PLAG1: variants seen among roughly 807,000 people sequenced by gnomAD.
PLAG1 encodes the protein PLAG1 zinc finger, also known as zinc finger protein PLAG1.
A neutral mutation model predicts 35.5 loss-of-function variants in PLAG1; 7 were observed. That is an observed-to-expected ratio of 0.20 (90% CI 0.11 to 0.37). PLAG1 has a LOEUF of 0.37. Among genes scored for constraint, PLAG1 ranks in the 10% least tolerant of loss-of-function variants. The pLI is 1.00. For synonymous variants in PLAG1, 229 were observed against 225.4 expected, an observed-to-expected ratio of 1.02 and a Z score of -0.14; for missense variants, 454 against 602.8, an observed-to-expected ratio of 0.75 and a Z score of 2.58.
At chr8:56,180,393 C>T (rs1045821216) in intron 1 of PLAG1, among the ~76,000 whole-genome samples, 8 of 152,164 alleles carry the variant, frequency 5.3e-5, no homozygotes, top group Non-Finnish European at 8.8e-5. Context: ...TGACATGATC[C>T]CTGTTCCGTA....
chr8:56,165,460 A>T lies in PLAG1; in HGVS notation c.*783T>A, dbSNP rs1361879759. 2.8e-5 allele frequency: 6 copies of T among 215,228 alleles called. No homozygotes were observed. The highest frequency in any genetic ancestry group is 4.7e-5 in the Non-Finnish European group (5 of 106,636). The allele number at this position is 215,228 out of a possible 1,614,324, so 13.3% of individuals were successfully genotyped here. On this transcript the variant is annotated 3_prime_UTR_variant, in exon 5 of 5. Coordinates refer to ENST00000316981, the MANE Select transcript of PLAG1 (RefSeq NM_002655.3). Reference sequence around the variant, plus strand: ...TCGACTCTGAAGACCCCAATGCCATACACTATTACTATTATTAAATGAAAA... The same window carrying T: ...TCGACTCTGAAGACCCCAATGCCATTCACTATTACTATTATTAAATGAAAA...
At chr8:56,192,283 A>AT (rs2129231332) in intron 1 of PLAG1, among the ~76,000 whole-genome samples, 1 of 152,352 alleles carries the variant, frequency 6.6e-6, no homozygotes, top group East Asian at 1.9e-4. Flanking sequence ...ACACCTAAGC[A>AT]TTTAACTTAA....
chr8:56,185,315 T>TATTA, intron 1 of PLAG1, among the ~76,000 whole-genome samples: 1 of 152,166 alleles, frequency 6.6e-6, no homozygotes, highest in Non-Finnish European at 1.5e-5. Flanking sequence ...CGTATGCATA[T>TATTA]ATATGTGAAA....
At chr8:56,196,809 G>A (rs958409804) in intron 1 of PLAG1, among the ~76,000 whole-genome samples, 1 of 152,034 alleles carries the variant, frequency 6.6e-6, no homozygotes, top group Admixed American at 6.5e-5. Flanking sequence ...CCTCCTCTAT[G>A]CATGTGTCTC....
Position 56,167,954 on chromosome 8 carries a change from A to G in PLAG1, c.242+74T>C. On this transcript the variant is annotated intron_variant, in intron 4 of 4. Transcript: ENST00000316981. The surrounding 1 kb of genome is among the most constrained non-coding windows in gnomAD (Gnocchi z 5.9). The stretch of plus-strand genomic sequence containing the variant: ...TTAGCTGAAAAATGTGTATACAAAT[A>G]CATACGTTTACAATGGCTTCAAACA... 1.2e-6 allele frequency: 1 copy of G among 804,090 alleles called. No homozygotes were observed. The allele number at this position is 804,090 out of a possible 1,614,324, so 49.8% of individuals were successfully genotyped here.
chr8:56,169,059 GT>G (rs1170775845), intron 3 of PLAG1, among the ~76,000 whole-genome samples: 1 of 152,192 alleles, frequency 6.6e-6, no homozygotes, highest in African/African-American at 2.4e-5. Context: ...ACCTTTTGAT[GT>G]TTTATTAGGT....
chr8:56,173,294 T>A (rs911658756), intron 2 of PLAG1, among the ~76,000 whole-genome samples: 1 of 152,086 alleles, frequency 6.6e-6, no homozygotes, highest in African/African-American at 2.4e-5. Flanking sequence ...ATCTTGAATT[T>A]CTTAATTTCC....
chr8:56,162,644 G>A lies in PLAG1; in HGVS notation c.*3599C>T. The A allele has an allele frequency of 4.8e-6, 1 of 210,216 alleles. No individual in the cohort carries two copies. The highest frequency in any genetic ancestry group is 7.2e-5 in the East Asian group (1 of 13,808). The allele number at this position is 210,216 out of a possible 1,614,324, so 13.0% of individuals were successfully genotyped here. ...TATCTTGTAATATGTGTAGTATAGA[G>A]GTTGACCAAGCTCTATTTTTTAAAA... On this transcript the variant is annotated 3_prime_UTR_variant, in exon 5 of 5. Transcript: ENST00000316981.
chr8:56,178,320 T>C (rs186016450), intron 2 of PLAG1, among the ~76,000 whole-genome samples: 172 of 152,156 alleles, frequency 1.1e-3, no homozygotes, highest in Non-Finnish European at 1.8e-3. Context: ...TTCCTTTTTC[T>C]AGCTACTAAA....
In PLAG1 at chr8:56,162,809, T is replaced by A. The variant is rs1437258222; in HGVS notation, c.*3434A>T. 4.7e-6 allele frequency: 1 copy of A among 214,272 alleles called. No homozygotes were observed. The highest frequency in any genetic ancestry group is 9.4e-6 in the Non-Finnish European group (1 of 105,850). 13.3% of individuals were successfully genotyped at this position (214,272 alleles called of 1,614,324 possible). On this transcript the variant is annotated 3_prime_UTR_variant, in exon 5 of 5. Transcript: ENST00000316981. ...TCAGTATATGGTTTTTAAAAACCGC[T>A]ACTGTCCAAATTAACACAATATATC...
At chr8:56,178,537 C>T (rs1811774552) in intron 2 of PLAG1, among the ~76,000 whole-genome samples, 1 of 152,110 alleles carries the variant, frequency 6.6e-6, no homozygotes, top group African/African-American at 2.4e-5. Context: ...GAATGTTGTT[C>T]TTATAGAAAA....
Position 56,163,690 on chromosome 8 carries a change from C to G in PLAG1, c.*2553G>C, listed in dbSNP as rs1585769722. 12 of 190,530 alleles carry G rather than the reference C, an allele frequency of 6.3e-5. No homozygotes were observed. The East Asian group carries it at 9.9e-4, about 16-fold the overall frequency. 11.8% of individuals were successfully genotyped at this position (190,530 alleles called of 1,614,324 possible). A position where few individuals can be genotyped will look rare whatever the true frequency, so the allele number is the denominator to read the frequency against. Reference sequence around the variant, plus strand: ...GTGTGTGTGTATATATACACACACACACACACACATACACATACATACATA... The same window carrying G: ...GTGTGTGTGTATATATACACACACAGACACACACATACACATACATACATA... On this transcript the variant is annotated 3_prime_UTR_variant, in exon 5 of 5. Transcript: ENST00000316981.
At chr8:56,204,622 G>C (rs998874296) in intron 1 of PLAG1, among the ~76,000 whole-genome samples, 1 of 151,792 alleles carries the variant, frequency 6.6e-6, no homozygotes, top group East Asian at 1.9e-4. Context: ...TGGTTAAAGA[G>C]AGATAATTTT....
rs569950223 is a variant in PLAG1 at position 56,162,655 on chromosome 8, C to A, written c.*3588G>T. On this transcript the variant is annotated 3_prime_UTR_variant, in exon 5 of 5. Transcript: ENST00000316981. ...ATGTGTAGTATAGAGGTTGACCAAGCTCTATTTTTTAAAAAAATATTGGCC... is the reference window on the plus strand; with the variant it reads ...ATGTGTAGTATAGAGGTTGACCAAGATCTATTTTTTAAAAAAATATTGGCC... 3.3e-5 allele frequency: 7 copies of A among 209,838 alleles called. No individual in the cohort carries two copies. The Admixed American group carries it at 4.1e-4, about 12-fold the overall frequency. The allele number at this position is 209,838 out of a possible 1,614,324, so 13.0% of individuals were successfully genotyped here.
At chr8:56,194,416 G>C (rs1812291035) in intron 1 of PLAG1, among the ~76,000 whole-genome samples, 1 of 152,144 alleles carries the variant, frequency 6.6e-6, no homozygotes, top group South Asian at 2.1e-4. Flanking sequence ...TAATAAAGGT[G>C]GAGAATAAAT....
chr8:56,187,123 C>T (rs1045741588), intron 1 of PLAG1, among the ~76,000 whole-genome samples: 3 of 152,194 alleles, frequency 2.0e-5, no homozygotes, highest in Non-Finnish European at 4.4e-5. Context: ...CCTCCTCCTT[C>T]TTGAAGCTTC....
intron 1 of PLAG1, among the ~76,000 whole-genome samples, chr8:56,188,114 G>A (rs1812076077): frequency 6.6e-6 from 1 of 152,152 alleles, no homozygotes; most frequent in Admixed American, 6.5e-5. Context: ...GAAGCACATA[G>A]GAGCCAAGAT....
chr8:56,200,219 T>C (rs745704986), intron 1 of PLAG1, among the ~76,000 whole-genome samples: 15 of 152,222 alleles, frequency 9.9e-5, no homozygotes, highest in Non-Finnish European at 2.1e-4. Context: ...CCCCAAGTGG[T>C]ATTAACTTCT....
At chr8:56,184,475 T>A (rs1463197263) in intron 1 of PLAG1, among the ~76,000 whole-genome samples, 2 of 152,242 alleles carry the variant, frequency 1.3e-5, no homozygotes, top group Non-Finnish European at 2.9e-5. Context: ...GCATTTCACA[T>A]CTAGCTATTT....
Sources: allele counts gnomAD v4.1 joint callset (sites outside exome capture counted in the v4.1 genomes callset), GRCh38; gene constraint gnomAD v4.1.1; non-coding constraint Gnocchi (gnomAD v3.1); transcripts MANE v1.5; gene names NCBI Gene and HGNC (gene_info 2026-07-23, HGNC 2026-07-21).